Variants in NBR1 observed in about 807,000 individuals in gnomAD.
NBR1 encodes the protein next to BRCA1 gene 1 protein.
NBR1 carries 59 observed loss-of-function variants against 115.5 expected under a neutral mutation model. The ratio of observed to expected loss-of-function variants is 0.51; its 90% confidence interval spans 0.41 to 0.63. The LOEUF is 0.63. Among genes scored for constraint, NBR1 ranks in the 30% least tolerant of loss-of-function variants. NBR1 has a pLI of 0.00. For missense variants in NBR1, 1,043 were observed against 1,150.5 expected, an observed-to-expected ratio of 0.91 and a Z score of 1.35; for synonymous variants, 373 against 414.7, an observed-to-expected ratio of 0.90 and a Z score of 1.22.
chr17:43,186,269 A>G lies in NBR1; in HGVS notation c.227A>G (p.Asn76Ser). The G allele has an allele frequency of 1.3e-6, 2 of 1,577,396 alleles. No homozygotes were observed. The highest frequency in any genetic ancestry group is 1.7e-6 in the Non-Finnish European group (2 of 1,161,766). The change falls in exon 6 of 21, where the codon AAC (asparagine) becomes AGC (serine). Residue 76 changes from asparagine to serine, a missense_variant. Asn to Ser is a conservative substitution (Grantham distance 46, BLOSUM62 1). Coordinates refer to ENST00000590996, the MANE Select transcript of NBR1 (RefSeq NM_005899.5). ...TCTTAGATGGCAGTTAAACAGGGAA[A>G]CCAACTGCAGATGCAAGTCCACGAA... ...EALKMAVKQGNQLQMQVHEGH... is the reference protein window; with the variant it reads ...EALKMAVKQGSQLQMQVHEGH...
At chr17:43,190,379 C>T (rs1567855381) in intron 8 of NBR1, 1 of 515,560 alleles carries the variant, frequency 1.9e-6, no homozygotes, top group Non-Finnish European at 3.5e-6. Context: ...GCCCCATGTA[C>T]TTTCACATCT....
chr17:43,180,804 A>G lies in NBR1; in HGVS notation c.194A>G (p.Glu65Gly). ...EVSINSQGEY[E>G]EALKMAVKQG... ...TTTTTTGTTCTTTTAGGAGAATATG[A>G]AGAAGCGCTTAAGGTAATGATTATT... The change falls in exon 5 of 21, where the codon GAA becomes GGA. Residue 65 changes from glutamate to glycine, a missense_variant. Coordinates refer to ENST00000590996, the MANE Select transcript of NBR1 (RefSeq NM_005899.5). The G allele has an allele frequency of 6.9e-7, 1 of 1,457,382 alleles. No individual in the cohort carries two copies. Among genetic ancestry groups the G allele is most frequent in the Middle Eastern group, 1.8e-4 (1 of 5,476 alleles). 90.3% of individuals were successfully genotyped at this position (1,457,382 alleles called of 1,614,324 possible).
chr17:43,177,757 C>G (rs1372212533), intron 2 of NBR1, among the ~76,000 whole-genome samples, 179 bp from the exon 3 acceptor site: 2 of 151,854 alleles, frequency 1.3e-5, no homozygotes, highest in Non-Finnish European at 2.9e-5. Context: ...ATATTTTTAC[C>G]TGGGTTGTTA....
At chr17:43,209,564 G>A in intron 20 of NBR1, 1 of 1,534,512 alleles carries the variant, frequency 6.5e-7, no homozygotes, top group Non-Finnish European at 8.7e-7. Context: ...CAGGGTCTCT[G>A]GGGCTTGCTG....
chr17:43,189,221 G>T, intron 7 of NBR1, 102 bp downstream of exon 7: 1 of 816,898 alleles, frequency 1.2e-6, no homozygotes, highest in East Asian at 2.4e-5. Flanking sequence ...CTCTAGTACC[G>T]GTGAAGAGTG....
chr17:43,188,992 T>A, intron 6 of NBR1, 50 bp from the exon 7 acceptor site: 1 of 1,265,616 alleles, frequency 7.9e-7, no homozygotes, highest in Admixed American at 1.7e-5. Context: ...GGAAAAGTAT[T>A]TTAAATAGAA....
At chr17:43,178,491 C>T (rs1408784238) in intron 3 of NBR1, among the ~76,000 whole-genome samples, 2 of 151,116 alleles carry the variant, frequency 1.3e-5, no homozygotes, top group Non-Finnish European at 2.9e-5. Context: ...ATTCTCCTGT[C>T]TCAGCCTTCT....
chr17:43,177,810 A>T, intron 2 of NBR1, 126 bp from the exon 3 acceptor site: 3 of 743,952 alleles, frequency 4.0e-6, no homozygotes, highest in Non-Finnish European at 3.9e-6. Context: ...GGTGTGTTGC[A>T]GATATTAACC....
intron 1 of NBR1, among the ~76,000 whole-genome samples, chr17:43,172,606 A>T (rs1482181436): frequency 6.6e-6 from 1 of 152,184 alleles, no homozygotes; most frequent in African/African-American, 2.4e-5. Flanking sequence ...ATATGAATGA[A>T]TACTAGATGT....
intron 1 of NBR1, among the ~76,000 whole-genome samples, chr17:43,173,473 G>A (rs12937192): frequency 0.32 from 48,230 of 151,762 alleles, 7,996 homozygotes; most frequent in South Asian, 0.49. Context: ...TTTTTAGTAG[G>A]GACGAGGTTT....
At chr17:43,190,850 A>T in intron 9 of NBR1, 74 bp downstream of exon 9, 11 of 1,401,270 alleles carry the variant, frequency 7.9e-6, no homozygotes, top group Non-Finnish European at 1.1e-5. Flanking sequence ...TGAATCACAA[A>T]ACTACAGATA....
At position 43,197,186 on chromosome 17, in the gene NBR1, C is replaced by T; in HGVS notation, c.2026+80C>T. The T allele has an allele frequency of 3.1e-6, 4 of 1,301,144 alleles. No homozygotes were observed. In the South Asian group the frequency reaches 5.2e-5, roughly 17 times the overall value. The allele number at this position is 1,301,144 out of a possible 1,614,324, so 80.6% of individuals were successfully genotyped here. On this transcript the variant is annotated intron_variant, in intron 16 of 20. Coordinates refer to ENST00000590996, the MANE Select transcript of NBR1 (RefSeq NM_005899.5). ...CCAGACTTGACTAGTTAGATGTGCTCTTCTTCACTGAGACTGAAGGGAGAG... is the reference window on the plus strand; with the variant it reads ...CCAGACTTGACTAGTTAGATGTGCTTTTCTTCACTGAGACTGAAGGGAGAG...
chr17:43,195,147 C>A, intron 14 of NBR1, 108 bp downstream of exon 14: 3 of 845,612 alleles, frequency 3.5e-6, no homozygotes, highest in Non-Finnish European at 5.8e-6. Context: ...AGGATTTCTC[C>A]CACAGTAGGA....
Position 43,200,466 on chromosome 17 carries a change from C to T in NBR1, c.2326C>T (p.Pro776Ser), listed in dbSNP as rs781393841. Residue 776 changes from proline to serine, a missense_variant, in exon 17 of 21, where the codon CCA becomes TCA. Pro to Ser is a moderately conservative substitution (Grantham distance 74). Coordinates refer to ENST00000590996, the MANE Select transcript of NBR1 (RefSeq NM_005899.5). ...GKPGVEAGQE[P>S]AEAGERLPGG... ...GCCTGGGGTTGAGGCTGGGCAGGAA[C>T]CAGCTGAGGCTGGGGAAAGACTCCC... 1.3e-5 allele frequency: 21 copies of T among 1,613,282 alleles called. No individual in the cohort carries two copies. The highest frequency in any genetic ancestry group is 1.6e-5 in the Non-Finnish European group (19 of 1,179,708).
At chr17:43,175,272 C>A (rs933295870) in intron 1 of NBR1, among the ~76,000 whole-genome samples, 70 of 152,154 alleles carry the variant, frequency 4.6e-4, no homozygotes, top group African/African-American at 1.5e-3. Context: ...GGACAACCCT[C>A]CTTCTGCAAG....
chr17:43,200,227 C>T lies in NBR1; in HGVS notation c.2087C>T (p.Ala696Val), dbSNP rs1211011821. The change falls in exon 17 of 21, where the codon GCT becomes GTT. Residue 696 changes from alanine to valine, a missense_variant. Transcript: ENST00000590996. ...GNEKEEIIHIAEEEAVMEEEE... is the reference protein window; with the variant it reads ...GNEKEEIIHIVEEEAVMEEEE... ...GAGAAGGAGGAGATTATCCATATCG[C>T]TGAGGAAGAAGCTGTCATGGAGGAG... The T allele has an allele frequency of 4.5e-6, 7 of 1,551,720 alleles. No individual in the cohort carries two copies. In the South Asian group the frequency reaches 4.8e-5, roughly 11 times the overall value.
rs183319350 is a variant in NBR1, at chr17:43,203,303, C to T, written c.2622-378C>T. Among the ~76,000 whole-genome samples, 738 of 152,324 alleles carry T rather than the reference C, an allele frequency of 4.8e-3. 5 individuals are homozygous for T. The highest frequency in any genetic ancestry group is 5.6e-3 in the Non-Finnish European group (379 of 68,026). ...ACATACCTGGTTCTCTGCTTCCACTCATATTAGGCCAGTGTCCAGAAAATC... is the reference window on the plus strand; with the variant it reads ...ACATACCTGGTTCTCTGCTTCCACTTATATTAGGCCAGTGTCCAGAAAATC... On this transcript the variant is annotated intron_variant, in intron 19 of 20. Transcript: ENST00000590996.
At chr17:43,185,849 T>C (rs1481480236) in intron 5 of NBR1, among the ~76,000 whole-genome samples, 1 of 151,858 alleles carries the variant, frequency 6.6e-6, no homozygotes, top group Non-Finnish European at 1.5e-5. Flanking sequence ...ATACAAAAAT[T>C]AGCTGGGTGT....
Position 43,190,666 on chromosome 17 carries a change from C to G in NBR1, c.753C>G (p.Asp251Glu), listed in dbSNP as rs1323964080. 3 of 1,612,638 alleles carry G rather than the reference C, an allele frequency of 1.9e-6. No individual in the cohort carries two copies. Among genetic ancestry groups the G allele is most frequent in the Non-Finnish European group, 2.5e-6 (3 of 1,179,360 alleles). Residue 251 changes from aspartate to glutamate, a missense_variant, in exon 9 of 21, where the codon GAC (aspartate) becomes GAG (glutamate). By Grantham distance (45) the Asp-to-Glu change is conservative (BLOSUM62 2). Transcript: ENST00000590996. Reference protein sequence around the residue: ...EDCEAGPYGHDTNHVLLKLRR... With the variant: ...EDCEAGPYGHETNHVLLKLRR... ...GTGAAGCAGGGCCATATGGCCATGA[C>G]ACTAACCACGTCCTGCTGAAGTTGC...
Sources: allele counts gnomAD v4.1 joint callset (sites outside exome capture counted in the v4.1 genomes callset), GRCh38; gene constraint gnomAD v4.1.1; transcripts MANE v1.5; gene names NCBI Gene and HGNC (gene_info 2026-07-23, HGNC 2026-07-21).